Variants in OPRM1 observed in about 807,000 individuals in gnomAD.
The protein encoded by OPRM1 is opioid receptor mu 1.
OPRM1 carries 27 observed loss-of-function variants against 31.8 expected under a neutral mutation model. The ratio of observed to expected loss-of-function variants is 0.85; its 90% confidence interval spans 0.63 to 1.17. The LOEUF (loss-of-function observed/expected upper bound fraction) is 1.17, where lower values mean the gene tolerates loss of function less well. OPRM1 is among the 50% of genes most tolerant of loss of function. The pLI is 0.00. For synonymous variants in OPRM1, 196 were observed against 189.9 expected (o/e 1.03, Z -0.26); for missense variants, 536 against 511.1 (o/e 1.05, Z -0.47).
chr6:154,204,855 T>C (rs117430173), intron 3 of OPRM1, among the ~76,000 whole-genome samples: 2,607 of 152,266 alleles, frequency 0.017, 173 homozygotes, highest in Admixed American at 0.13. Context: ...ATAGTATTCA[T>C]TAGAGCTTAG....
intron 3 of OPRM1, among the ~76,000 whole-genome samples, chr6:154,146,181 CTTGAGGTCAGGAG>C (rs1218749664): frequency 6.6e-6 from 1 of 152,242 alleles, no homozygotes; most frequent in African/African-American, 2.4e-5. Flanking sequence ...AGGCAGATCT[CTTGAGGTCAGGAG>C]TTCAAGACCA....
At chr6:154,037,358 T>TA (rs772557966), upstream of OPRM1, among the ~76,000 whole-genome samples, 6,859 of 124,266 alleles carry the variant, frequency 0.055, 345 homozygotes, top group African/African-American at 0.16. Context: ...AAAATAAAAC[T>TA]AAAAAAAAAA....
intron 3 of OPRM1, among the ~76,000 whole-genome samples, chr6:154,224,507 C>T (rs770275124): frequency 1.3e-4 from 19 of 150,626 alleles, no homozygotes; most frequent in Non-Finnish European, 1.9e-4. Context: ...GAGGTGTTCA[C>T]GTTCAGCCCA....
intron 3 of OPRM1, among the ~76,000 whole-genome samples, chr6:154,198,257 T>A (rs568197540): frequency 2.6e-5 from 4 of 152,184 alleles, no homozygotes; most frequent in Non-Finnish European, 5.9e-5. Flanking sequence ...TCCAAGGAGA[T>A]ACAATTAAGC....
chr6:154,114,258 G>T (rs1193781469), intron 3 of OPRM1, among the ~76,000 whole-genome samples: 1 of 152,188 alleles, frequency 6.6e-6, no homozygotes, highest in Non-Finnish European at 1.5e-5. Context: ...TACCGTCTAG[G>T]ATCAACTTTT....
intron 3 of OPRM1, among the ~76,000 whole-genome samples, chr6:154,189,078 A>G (rs1801631406): frequency 6.6e-6 from 1 of 152,258 alleles, no homozygotes; most frequent in East Asian, 1.9e-4. Flanking sequence ...TAAACTGACA[A>G]TGAAGGAGTA....
chr6:154,129,471 A>G lies in OPRM1; in HGVS notation c.*10750A>G, dbSNP rs886627854. Among the ~76,000 whole-genome samples, 2 of 152,200 alleles carry G rather than the reference A, an allele frequency of 1.3e-5. No homozygotes were observed. The highest frequency in any genetic ancestry group is 6.5e-5 in the Admixed American group (1 of 15,282). On this transcript the variant is annotated 3_prime_UTR_variant, in exon 4 of 4. Coordinates refer to ENST00000330432, the MANE Select transcript of OPRM1 (RefSeq NM_000914.5). ...TACTGAATATGAAACAATATAAAAC[A>G]ATGTGAGAGGGTCTTTCTCTCCTCT...
chr6:154,080,678 A>G (rs987990463), intron 1 of OPRM1, among the ~76,000 whole-genome samples: 5 of 152,186 alleles, frequency 3.3e-5, no homozygotes, highest in African/African-American at 1.2e-4. Context: ...CCATCTGCTC[A>G]CATGATTAGA....
chr6:154,200,061 CA>C (rs751286153), intron 3 of OPRM1: 5 of 1,561,238 alleles, frequency 3.2e-6, no homozygotes, highest in South Asian at 1.2e-5. Flanking sequence ...CAAATAAAAC[CA>C]AAAAAAGAAT....
chr6:154,210,276 T>C (rs1777859490), intron 3 of OPRM1, among the ~76,000 whole-genome samples: 1 of 152,110 alleles, frequency 6.6e-6, no homozygotes, highest in Admixed American at 6.5e-5. Context: ...AAACTGAAAA[T>C]GCCAGTATTT....
At chr6:154,090,838 C>A in intron 2 of OPRM1, 114 bp from the exon 3 acceptor site, 1 of 864,722 alleles carries the variant, frequency 1.2e-6, no homozygotes, top group Non-Finnish European at 1.8e-6. Flanking sequence ...TTCTTTATAG[C>A]CTTAAGTTAG....
At chr6:154,222,677 C>A (rs573992293) in intron 3 of OPRM1, among the ~76,000 whole-genome samples, 7 of 152,110 alleles carry the variant, frequency 4.6e-5, no homozygotes, top group Non-Finnish European at 8.8e-5. Flanking sequence ...CCTGTCAGTG[C>A]TCAAATCTTT....
intron 1 of OPRM1, among the ~76,000 whole-genome samples, chr6:154,080,431 C>T (rs1165575573): frequency 2.0e-5 from 3 of 152,224 alleles, no homozygotes; most frequent in African/African-American, 7.2e-5. Context: ...AAACCAGATC[C>T]TCTACTTACA....
rs1052674562 is a variant in OPRM1, at chr6:154,127,533, C to T, written c.*8812C>T. 8.5e-5 allele frequency among the ~76,000 whole-genome samples: 13 copies of T among 152,124 alleles called. No homozygotes were observed. The highest frequency in any genetic ancestry group is 3.1e-4 in the African/African-American group (13 of 41,414). On this transcript the variant is annotated 3_prime_UTR_variant, in exon 4 of 4. Transcript: ENST00000330432. ...AGATACACGCTCAGGATAAGAACTA[C>T]CAGACTAGATTAGGAGGTCCACACC...
At chr6:154,190,070 G>C (rs1801735201) in intron 3 of OPRM1, among the ~76,000 whole-genome samples, 1 of 152,086 alleles carries the variant, frequency 6.6e-6, no homozygotes, top group Admixed American at 6.6e-5. Flanking sequence ...TCATCAAACT[G>C]AATATTCTGC....
At chr6:154,107,128 T>G (rs1232649462) in intron 3 of OPRM1, among the ~76,000 whole-genome samples, 3 of 152,208 alleles carry the variant, frequency 2.0e-5, no homozygotes, top group Admixed American at 1.3e-4. Context: ...AGATTTTCAT[T>G]TGCCAGTTTC....
At chr6:154,057,638 T>C (rs1476178827) in intron 1 of OPRM1, among the ~76,000 whole-genome samples, 1 of 152,226 alleles carries the variant, frequency 6.6e-6, no homozygotes, top group African/African-American at 2.4e-5. Context: ...AAAAGTGCTA[T>C]TGACCATAAT....
chr6:154,140,544 G>A (rs1235645526), intron 3 of OPRM1, among the ~76,000 whole-genome samples: 1 of 152,036 alleles, frequency 6.6e-6, no homozygotes, highest in Non-Finnish European at 1.5e-5. Flanking sequence ...TGGCCAGGCT[G>A]GTCTCAAATT....
At chr6:154,045,738 T>C (rs1031758434) in intron 1 of OPRM1, among the ~76,000 whole-genome samples, 2 of 152,228 alleles carry the variant, frequency 1.3e-5, no homozygotes, top group African/African-American at 4.8e-5. Context: ...CCCTAGGGCT[T>C]CTCTACTGGA....
Sources: gnomAD v4.1 joint callset for allele counts (sites outside exome capture counted in the v4.1 genomes callset) on GRCh38, gnomAD v4.1.1 for gene constraint, MANE v1.5 for transcripts, NCBI Gene and HGNC (gene_info 2026-07-23, HGNC 2026-07-21) for gene names.